The following CNTNAP5 variants were observed in gnomAD, a reference collection of about 807,000 sequenced individuals.
CNTNAP5 encodes contactin-associated protein-like 5.
CNTNAP5 carries 72 observed loss-of-function variants against 150.2 expected under a neutral mutation model. That is an observed-to-expected ratio of 0.48 (90% confidence interval 0.40 to 0.58). The LOEUF is 0.58. Among genes scored for constraint, CNTNAP5 ranks in the 20% least tolerant of loss-of-function variants. The pLI is 0.00. For missense variants in CNTNAP5, 1,636 were observed against 1,626.2 expected, an observed-to-expected ratio of 1.01 and a Z score of -0.10; for synonymous variants, 672 against 619.8, an observed-to-expected ratio of 1.08 and a Z score of -1.25.
chr2:124,782,977 T>C (rs1294693157), intron 17 of CNTNAP5, among the ~76,000 whole-genome samples: 2 of 152,192 alleles, frequency 1.3e-5, no homozygotes, highest in Non-Finnish European at 1.5e-5. Context: ...CCTTTATTAA[T>C]ATGGACAAAT....
chr2:124,138,832 C>T (rs2104613100), intron 1 of CNTNAP5, among the ~76,000 whole-genome samples: 1 of 151,598 alleles, frequency 6.6e-6, no homozygotes, highest in African/African-American at 2.4e-5. Flanking sequence ...CAAACACACA[C>T]ACACACCACA....
At chr2:124,152,718 G>A (rs1438975895) in intron 1 of CNTNAP5, among the ~76,000 whole-genome samples, 1 of 152,100 alleles carries the variant, frequency 6.6e-6, no homozygotes, top group Non-Finnish European at 1.5e-5. Context: ...TGTTGGAGAG[G>A]AACATGACAG....
intron 7 of CNTNAP5, among the ~76,000 whole-genome samples, chr2:124,483,297 G>A (rs1488230412): frequency 6.6e-6 from 1 of 152,188 alleles, no homozygotes; most frequent in Non-Finnish European, 1.5e-5. Context: ...CTGGAAGACA[G>A]GCAGGCAAGC....
chr2:124,267,265 G>A (rs1333638518), intron 3 of CNTNAP5, among the ~76,000 whole-genome samples: 2 of 152,162 alleles, frequency 1.3e-5, no homozygotes, highest in African/African-American at 4.8e-5. Context: ...ATACTGCTCA[G>A]AAGAATATTT....
intron 19 of CNTNAP5, among the ~76,000 whole-genome samples, chr2:124,838,189 T>C (rs962934133): frequency 6.6e-6 from 1 of 152,176 alleles, no homozygotes; most frequent in Non-Finnish European, 1.5e-5. Context: ...CAGATACTCT[T>C]AAAGTGCTTA....
chr2:124,640,952 C>T (rs1023788590), intron 12 of CNTNAP5, among the ~76,000 whole-genome samples: 2 of 151,652 alleles, frequency 1.3e-5, no homozygotes, highest in Non-Finnish European at 2.9e-5. Context: ...CTGGAAAAAC[C>T]CTGTCTGTAC....
chr2:124,535,840 C>T (rs1455639752), intron 10 of CNTNAP5, among the ~76,000 whole-genome samples: 1 of 151,988 alleles, frequency 6.6e-6, no homozygotes, highest in Non-Finnish European at 1.5e-5. Flanking sequence ...ACTCTCTGGT[C>T]AAAATTCTTA....
intron 10 of CNTNAP5, among the ~76,000 whole-genome samples, chr2:124,537,416 A>G (rs1695264430): frequency 6.6e-6 from 1 of 152,196 alleles, no homozygotes; most frequent in Non-Finnish European, 1.5e-5. Context: ...TATCATCCCT[A>G]TCCTCGCAGC....
intron 13 of CNTNAP5, among the ~76,000 whole-genome samples, chr2:124,671,961 CA>C (rs1397674492): frequency 1.3e-5 from 2 of 152,108 alleles, no homozygotes; most frequent in African/African-American, 4.8e-5. Context: ...AAAGAAAGCC[CA>C]AAGGCCACCA....
At chr2:124,844,909 C>T (rs1384444946) in intron 19 of CNTNAP5, among the ~76,000 whole-genome samples, 1 of 152,000 alleles carries the variant, frequency 6.6e-6, no homozygotes. Flanking sequence ...ACAACCATAT[C>T]ATCAGCAAAT....
chr2:124,466,389 C>T (rs1023622279), intron 6 of CNTNAP5, among the ~76,000 whole-genome samples: 16 of 152,064 alleles, frequency 1.1e-4, no homozygotes, highest in Non-Finnish European at 2.2e-4. Context: ...AGTATGCTTG[C>T]ATTGTTTCTA....
At position 124,272,878 on chromosome 2, in the gene CNTNAP5, A is replaced by C. The variant is rs115662971; in HGVS notation, c.381+30485A>C. ...TTAGGTTCTGTTTGGTAAAGTAAAGAATTCAATGCATGAATCTTCTAAAAA... is the reference window on the plus strand; with the variant it reads ...TTAGGTTCTGTTTGGTAAAGTAAAGCATTCAATGCATGAATCTTCTAAAAA... On this transcript the variant is annotated intron_variant, in intron 3 of 23. Transcript: ENST00000682447. 9.0e-3 allele frequency among the ~76,000 whole-genome samples: 1,368 copies of C among 152,344 alleles called. 22 individuals carry two copies. The highest frequency in any genetic ancestry group is 0.031 in the African/African-American group (1,279 of 41,576).
At chr2:124,877,728 G>A (rs556819778) in intron 21 of CNTNAP5, among the ~76,000 whole-genome samples, 1 of 152,174 alleles carries the variant, frequency 6.6e-6, no homozygotes, top group Admixed American at 6.5e-5. Context: ...AGGTTTTGAA[G>A]TATCCCGTGT....
intron 1 of CNTNAP5, among the ~76,000 whole-genome samples, chr2:124,210,358 T>G (rs1018005076): frequency 6.6e-6 from 1 of 152,168 alleles, no homozygotes; most frequent in East Asian, 1.9e-4. Context: ...ATTTTAGAAA[T>G]TGATTTGTGA....
chr2:124,648,042 AG>A (rs1451563041), intron 13 of CNTNAP5, 84 bp downstream of exon 13: 4 of 1,255,828 alleles, frequency 3.2e-6, no homozygotes, highest in Non-Finnish European at 3.3e-6. Context: ...TTTGCCAAGA[AG>A]GGGGCTATAG....
At chr2:124,451,064 A>G (rs1692964085) in intron 6 of CNTNAP5, among the ~76,000 whole-genome samples, 1 of 91,732 alleles carries the variant, frequency 1.1e-5, no homozygotes, top group African/African-American at 4.1e-5. Context: ...ATATATATAT[A>G]TATATATATA....
chr2:124,744,193 TG>T, intron 13 of CNTNAP5, among the ~76,000 whole-genome samples: 1 of 152,280 alleles, frequency 6.6e-6, no homozygotes, highest in East Asian at 1.9e-4. Context: ...GGGTGCAATT[TG>T]CCCCATTCTG....
chr2:124,110,957 T>C (rs1182121516), intron 1 of CNTNAP5, among the ~76,000 whole-genome samples: 1 of 152,134 alleles, frequency 6.6e-6, no homozygotes, highest in Admixed American at 6.6e-5. Flanking sequence ...GATTCACAAG[T>C]GAGGCTCCTC....
At chr2:124,216,596 G>A (rs1686163292) in intron 1 of CNTNAP5, among the ~76,000 whole-genome samples, 1 of 151,904 alleles carries the variant, frequency 6.6e-6, no homozygotes, top group Non-Finnish European at 1.5e-5. Context: ...TTGTCCATGT[G>A]TTCTCATTGT....
Sources: allele counts gnomAD v4.1 joint callset (sites outside exome capture counted in the v4.1 genomes callset), GRCh38; gene constraint gnomAD v4.1.1; transcripts MANE v1.5; gene names NCBI Gene and HGNC (gene_info 2026-07-23, HGNC 2026-07-21).